CIC: variants seen among roughly 807,000 people sequenced by gnomAD.
CIC encodes the protein capicua transcriptional repressor, also known as protein capicua homolog.
Under a neutral mutation model 115.7 loss-of-function variants are expected in CIC, and 18 were observed. That is an observed-to-expected ratio of 0.16 (90% CI 0.11 to 0.23). The LOEUF is 0.23. Ranked by LOEUF, CIC falls within the 10% of genes least tolerant of loss-of-function variation. CIC has a pLI of 1.00. For synonymous variants in CIC, 1,076 were observed against 923.0 expected, an observed-to-expected ratio of 1.17 and a Z score of -3.01; for missense variants, 2,000 against 2,159.3, an observed-to-expected ratio of 0.93 and a Z score of 1.46.
In CIC at chr19:42,271,790, C is replaced by T; in HGVS notation, c.7C>T (p.Pro3Ser). The change falls in exon 2 of 21, where the codon CCA becomes TCA. Residue 3 changes from proline to serine, a missense_variant. Transcript: ENST00000681038. ...ACCCTGCAGGTGGACAAAAATGAAG[C>T]CAATGAAGAAGGCATGCACTGGCCT... MK[P>S]MKKACTGLSG... is the part of the protein sequence containing the mutation. The T allele has an allele frequency of 2.5e-6, 1 of 398,736 alleles. No homozygotes were observed. Among genetic ancestry groups the T allele is most frequent in the Non-Finnish European group, 4.4e-6 (1 of 226,156 alleles). The allele number at this position is 398,736 out of a possible 1,614,324, so 24.7% of individuals were successfully genotyped here.
chr19:42,287,247 T>C lies in CIC; in HGVS notation c.3179+7T>C. The C allele has an allele frequency of 6.2e-7, 1 of 1,613,934 alleles. No homozygotes were observed. The highest frequency in any genetic ancestry group is 1.3e-5 in the African/African-American group (1 of 75,008). On this transcript the variant is annotated splice_region_variant and intron_variant, in intron 4 of 20. Coordinates refer to ENST00000681038, the MANE Select transcript of CIC (RefSeq NM_001386298.1). This position sits in a 1 kb window ranked among gnomAD's most constrained non-coding sequence, Gnocchi z 8.7. ...AGAGTGACCATGATGATGCGTGAGT[T>C]CCCTGAGGCCTGGGACTTGGGGGTG...
Position 42,294,075 on chromosome 19 carries a change from G to A in CIC, c.6908G>A (p.Arg2303Lys). Residue 2303 changes from arginine (R) to lysine (K), a missense_variant, in exon 18 of 21, where the codon AGG (arginine) becomes AAG (lysine). Arg to Lys is a conservative substitution (Grantham distance 26, BLOSUM62 2). Transcript: ENST00000681038. Reference sequence around the variant, plus strand: ...ATCCTGGGCTCTTACCGCAAGAAGAGGAAGAACTCCACGGGTAGGCGAGCA... The same window carrying A: ...ATCCTGGGCTCTTACCGCAAGAAGAAGAAGAACTCCACGGGTAGGCGAGCA... ...RAILGSYRKKRKNSTDLDSAP... is the reference protein window; with the variant it reads ...RAILGSYRKKKKNSTDLDSAP... 1 of 1,613,620 alleles carries A rather than the reference G, an allele frequency of 6.2e-7. No individual in the cohort carries two copies. Among genetic ancestry groups the A allele is most frequent in the East Asian group, 2.2e-5 (1 of 44,886 alleles).
rs150471019 is a variant in CIC, at chr19:42,293,804, G to A, written c.6735G>A (p.Pro2245=). The change falls in exon 17 of 21, where the codon CCG becomes CCA. Residue 2245 remains proline (P), a synonymous_variant. Coordinates refer to ENST00000681038, the MANE Select transcript of CIC (RefSeq NM_001386298.1). Reference sequence around the variant, plus strand: ...GCAAGAAGGTGAAGGTGCGGCCCCCGCCCCTGAAGAAGACCTTTGACTCTG... The same window carrying A: ...GCAAGAAGGTGAAGGTGCGGCCCCCACCCCTGAAGAAGACCTTTGACTCTG... ...GTGKKVKVRP[P]PLKKTFDSVD... The A allele has an allele frequency of 9.2e-5, 149 of 1,612,352 alleles. 1 individual carries two copies. In the South Asian group the frequency reaches 1.0e-3, roughly 11 times the overall value.
At chr19:42,275,633 G>A (rs1172595220) in intron 2 of CIC, among the ~76,000 whole-genome samples, 1 of 152,100 alleles carries the variant, frequency 6.6e-6, no homozygotes, top group Non-Finnish European at 1.5e-5. Flanking sequence ...CAGACCTGTC[G>A]GAAGCTCCTT....
intron 19 of CIC, 150 bp downstream of exon 19, chr19:42,294,454 G>A (rs1779466439): frequency 6.5e-7 from 1 of 1,533,770 alleles, no homozygotes; most frequent in Non-Finnish European, 8.9e-7. Flanking sequence ...AGTCTGGCAG[G>A]CCCCTAGGTT....
intron 19 of CIC, 40 bp from the exon 20 acceptor site, chr19:42,294,564 C>T (rs565787554): frequency 2.5e-5 from 41 of 1,611,354 alleles, no homozygotes; most frequent in Admixed American, 1.5e-4. Context: ...AAGGCCCTGC[C>T]GCTGCTGCAG....
At position 42,292,308 on chromosome 19, in the gene CIC, A is replaced by G. The variant is rs1336996289; in HGVS notation, c.5744A>G (p.Tyr1915Cys). ...TTCCTCTCCTGCGGCAGAATCACCT[A>G]TGTGCAGTCAGCGGGCGGGCACGCG... is the stretch of plus-strand genomic sequence containing the variant. ...VLLPSSTRIT[Y>C]VQSAGGHALP... Residue 1915 changes from tyrosine (Y) to cysteine (C), a missense_variant, in exon 14 of 21, where the codon TAT becomes TGT. By Grantham distance (194) the Tyr-to-Cys change is radical. This residue lies in a region of CIC where 1,466 missense variants were observed against 1,390.4 expected (regional missense o/e 1.05). Transcript: ENST00000681038. The G allele has an allele frequency of 1.2e-6, 2 of 1,613,120 alleles. No individual in the cohort carries two copies. Among genetic ancestry groups the G allele is most frequent in the East Asian group, 4.5e-5 (2 of 44,876 alleles).
rs371733970 is a variant in CIC at position 42,292,907 on chromosome 19, G to T, written c.6196+48G>T. Reference sequence around the variant, plus strand: ...GCAGAGTGAGTTGGGGGACCCAGGGGATGGGCTCCAGTCAGGCCTGGCTCA... The same window carrying T: ...GCAGAGTGAGTTGGGGGACCCAGGGTATGGGCTCCAGTCAGGCCTGGCTCA... On this transcript the variant is annotated intron_variant, in intron 15 of 20. Coordinates refer to ENST00000681038, the MANE Select transcript of CIC (RefSeq NM_001386298.1). 3.1e-6 allele frequency: 5 copies of T among 1,613,810 alleles called. No individual in the cohort carries two copies. In the Admixed American group the frequency reaches 8.3e-5, roughly 27 times the overall value.
At chr19:42,288,749 GT>G (rs111511162) in intron 7 of CIC, 138 bp from the exon 8 acceptor site, 4,095 of 589,702 alleles carry the variant, frequency 6.9e-3, no homozygotes, top group Middle Eastern at 0.011. Context: ...GTGGGTGGTG[GT>G]TTTTTTTTTT....
intron 2 of CIC, among the ~76,000 whole-genome samples, chr19:42,283,519 G>T (rs892673548): frequency 5.3e-5 from 8 of 152,118 alleles, no homozygotes; most frequent in African/African-American, 1.9e-4. Context: ...GTGTGTAGGA[G>T]ATAATGGGTG....
At chr19:42,288,197 G>A (rs2147213052) in intron 7 of CIC, among the ~76,000 whole-genome samples, 1 of 152,370 alleles carries the variant, frequency 6.6e-6, no homozygotes, top group South Asian at 2.1e-4. Flanking sequence ...GTTATCAACT[G>A]TTGTTTAACG....
rs1293219180 is a variant in CIC at position 42,289,884 on chromosome 19, A to G, written c.4124A>G (p.Lys1375Arg). ...TTCGGCACCACTGACATTGATCTCA[A>G]GTGCAAGGAGCGGGTGACCGACAGC... Reference protein sequence around the residue: ...DGFGTTDIDLKCKERVTDSES... With the variant: ...DGFGTTDIDLRCKERVTDSES... Residue 1375 changes from lysine (K) to arginine (R), a missense_variant, in exon 10 of 21, where the codon AAG (lysine) becomes AGG (arginine). This residue lies in a region of CIC where 1,466 missense variants were observed against 1,390.4 expected (regional missense o/e 1.05). Coordinates refer to ENST00000681038, the MANE Select transcript of CIC (RefSeq NM_001386298.1). 1 of 1,609,758 alleles carries G rather than the reference A, an allele frequency of 6.2e-7. No individual in the cohort carries two copies. Among genetic ancestry groups the G allele is most frequent in the African/African-American group, 1.3e-5 (1 of 74,982 alleles).
chr19:42,291,442 GT>G lies in CIC; in HGVS notation c.5402del (p.Val1801AspfsTer32). The part of the protein sequence containing the change: ...PTPGIPILQS[V>X]PSAPPPKAQS... Reference sequence around the variant, plus strand: ...TCCTGGCATCCCCATCCTGCAGTCTGTACCCTCCGCCCCACCCCCCAAAGGT... The same window carrying G: ...TCCTGGCATCCCCATCCTGCAGTCTGACCCTCCGCCCCACCCCCCAAAGGT... On this transcript the variant is annotated frameshift_variant, in exon 11 of 21. Coordinates refer to ENST00000681038, the MANE Select transcript of CIC (RefSeq NM_001386298.1). LOFTEE classifies it high-confidence loss of function. 6.2e-7 allele frequency: 1 copy of G among 1,612,990 alleles called. No individual in the cohort carries two copies. Among genetic ancestry groups the G allele is most frequent in the Non-Finnish European group, 8.5e-7 (1 of 1,179,990 alleles).
chr19:42,282,298 C>G (rs532519025), intron 2 of CIC, among the ~76,000 whole-genome samples: 57 of 152,332 alleles, frequency 3.7e-4, no homozygotes, highest in South Asian at 2.9e-3. Context: ...ATTCCTTCAG[C>G]TCTGTCAGTG....
In CIC at chr19:42,294,961, G is replaced by T. The variant is rs532405531; in HGVS notation, c.7324G>T (p.Ala2442Ser). 25 of 1,600,294 alleles carry T rather than the reference G, an allele frequency of 1.6e-5. No individual in the cohort carries two copies. In the Admixed American group the frequency reaches 3.2e-4, roughly 20 times the overall value. Residue 2442 changes from alanine to serine, a missense_variant, in exon 21 of 21, where the codon GCT becomes TCT. Ala to Ser is a moderately conservative substitution (Grantham distance 99). Coordinates refer to ENST00000681038, the MANE Select transcript of CIC (RefSeq NM_001386298.1). ...TPTEQPPGAEAPLPVPPPTGT... is the reference protein window; with the variant it reads ...TPTEQPPGAESPLPVPPPTGT... ...CACGGAGCAGCCCCCTGGAGCTGAGGCTCCTCTCCCTGTACCGCCCCCCAC... is the reference window on the plus strand; with the variant it reads ...CACGGAGCAGCCCCCTGGAGCTGAGTCTCCTCTCCCTGTACCGCCCCCCAC...
chr19:42,293,321 G>C, intron 16 of CIC, 40 bp downstream of exon 16: 2 of 1,532,862 alleles, frequency 1.3e-6, no homozygotes, highest in Non-Finnish European at 1.8e-6. Flanking sequence ...CTGCCACTTG[G>C]CTGTGCCTCT....
Position 42,292,735 on chromosome 19 carries a change from C to A in CIC, c.6072C>A (p.Pro2024=). The A allele has an allele frequency of 4.3e-6, 7 of 1,613,778 alleles. No individual in the cohort carries two copies. The highest frequency in any genetic ancestry group is 5.9e-6 in the Non-Finnish European group (7 of 1,179,968). The change falls in exon 15 of 21, where the codon CCC becomes CCA. Residue 2024 remains proline (P), a synonymous_variant. Transcript: ENST00000681038. ...SAPLAQPSQA[P]PSLVYTVATS... ...CCCTGGCCCAGCCATCCCAGGCCCCCCCAAGCCTGGTCTACACTGTGGCCA... is the reference window on the plus strand; with the variant it reads ...CCCTGGCCCAGCCATCCCAGGCCCCACCAAGCCTGGTCTACACTGTGGCCA...
In CIC at chr19:42,290,115, C is replaced by T. The variant is rs1345181353; in HGVS notation, c.4192-118C>T. Reference sequence around the variant, plus strand: ...AGTCAGGATGAATTGAGGCCTTCAGCTGGCAGGGGTGCAGCCCTAGGCTGG... The same window carrying T: ...AGTCAGGATGAATTGAGGCCTTCAGTTGGCAGGGGTGCAGCCCTAGGCTGG... On this transcript the variant is annotated intron_variant, in intron 10 of 20. Transcript: ENST00000681038. The T allele has an allele frequency of 2.0e-6, 3 of 1,501,192 alleles. No individual in the cohort carries two copies. In the Admixed American group the frequency reaches 5.0e-5, roughly 25 times the overall value. The allele number at this position is 1,501,192 out of a possible 1,614,324, so 93.0% of individuals were successfully genotyped here. A position where few individuals can be genotyped will look rare whatever the true frequency, so the allele number is the denominator to read the frequency against.
intron 7 of CIC, among the ~76,000 whole-genome samples, chr19:42,288,205 A>C (rs1389232761): frequency 6.6e-6 from 1 of 152,246 alleles, no homozygotes; most frequent in Middle Eastern, 3.2e-3. Flanking sequence ...CTGTTGTTTA[A>C]CGAGTGTTTA....
Sources: gnomAD v4.1 joint callset for allele counts (sites outside exome capture counted in the v4.1 genomes callset) on GRCh38, gnomAD v4.1.1 for gene constraint, gnomAD v4.1.1 regional missense constraint, Gnocchi (gnomAD v3.1) non-coding constraint, MANE v1.5 for transcripts, NCBI Gene and HGNC (gene_info 2026-07-23, HGNC 2026-07-21) for gene names.